FBXW8: variants seen among roughly 807,000 people sequenced by gnomAD.
FBXW8 encodes F-box and WD repeat domain containing 8.
Under a neutral mutation model 65.3 loss-of-function variants are expected in FBXW8, and 57 were observed. The ratio of observed to expected loss-of-function variants is 0.87; its 90% CI spans 0.71 to 1.09. FBXW8 has a LOEUF of 1.09. Among genes scored for constraint, FBXW8 ranks in the 50% least tolerant of loss-of-function variants. The probability of loss-of-function intolerance (pLI) is 0.00; values close to 1 mark genes in which losing one functional copy is unlikely to be tolerated. For synonymous variants in FBXW8, 308 were observed against 330.2 expected, an observed-to-expected ratio of 0.93 and a Z score of 0.73; for missense variants, 777 against 814.8, an observed-to-expected ratio of 0.95 and a Z score of 0.57.
intron 3 of FBXW8, among the ~76,000 whole-genome samples, chr12:116,946,856 C>T (rs1403681562): frequency 6.6e-6 from 1 of 151,964 alleles, no homozygotes; most frequent in Non-Finnish European, 1.5e-5. Context: ...AGGGTCTAAC[C>T]CTGGTGGGAG....
At chr12:117,018,474 C>T (rs968636562) in intron 8 of FBXW8, among the ~76,000 whole-genome samples, 14 of 152,180 alleles carry the variant, frequency 9.2e-5, no homozygotes, top group African/African-American at 3.4e-4. Flanking sequence ...ACGGGCTTTG[C>T]CAAGGCGCAC....
chr12:116,926,418 G>A (rs193024131), intron 1 of FBXW8, among the ~76,000 whole-genome samples: 10 of 152,310 alleles, frequency 6.6e-5, no homozygotes, highest in Non-Finnish European at 1.3e-4. Context: ...GCAAATGAAA[G>A]TTTCTTCGTG....
intron 5 of FBXW8, among the ~76,000 whole-genome samples, chr12:116,971,096 G>C (rs1268149537): frequency 1.3e-5 from 2 of 152,086 alleles, no homozygotes; most frequent in African/African-American, 4.8e-5. Flanking sequence ...AAACATCTAG[G>C]CTGGGTGTGG....
chr12:117,018,954 G>GA (rs150656115), intron 8 of FBXW8, among the ~76,000 whole-genome samples: 4,098 of 152,258 alleles, frequency 0.027, 180 homozygotes, highest in African/African-American at 0.087. Flanking sequence ...AATATGCACT[G>GA]AAAAGTACTT....
rs544396348 is a variant in FBXW8, at chr12:116,939,048, T to G, written c.424-6316T>G. ...GTGCCCAAAACATATCTTAACTGAT[T>G]GACCGGTAACCCAAATCAGTGTTCT... is the stretch of plus-strand genomic sequence containing the variant. On this transcript the variant is annotated intron_variant, in intron 2 of 10. Transcript: ENST00000652555. 2.0e-5 allele frequency among the ~76,000 whole-genome samples: 3 copies of G among 152,346 alleles called. 1 individual carries two copies. The South Asian group carries it at 6.2e-4, about 32-fold the overall frequency.
At chr12:117,015,577 A>C (rs1361176457) in intron 8 of FBXW8, among the ~76,000 whole-genome samples, 1 of 152,094 alleles carries the variant, frequency 6.6e-6, no homozygotes, top group East Asian at 1.9e-4. Context: ...GCTATGGAGA[A>C]CCAAGAGTTG....
rs1028051240 is a variant in FBXW8 at position 117,028,821 on chromosome 12, C to T, written c.*649C>T. The stretch of plus-strand genomic sequence containing the variant: ...ATATGTGATACAAAGCAAATATTTT[C>T]TAAATATTCATTGACTAAACAGCCA... On this transcript the variant is annotated 3_prime_UTR_variant, in exon 11 of 11. Coordinates refer to ENST00000652555, the MANE Select transcript of FBXW8 (RefSeq NM_153348.3). The surrounding 1 kb of genome is among the most constrained non-coding windows in gnomAD (Gnocchi z 4.1). The T allele has an allele frequency of 6.6e-6, 1 of 152,444 alleles. No individual in the cohort carries two copies. Among genetic ancestry groups the T allele is most frequent in the African/African-American group, 2.4e-5 (1 of 41,432 alleles). The allele number at this position is 152,444 out of a possible 1,614,324, so 9.4% of individuals were successfully genotyped here. A position where few individuals can be genotyped will look rare whatever the true frequency, so the allele number is the denominator to read the frequency against.
chr12:116,932,683 G>A (rs1333315490), intron 2 of FBXW8, among the ~76,000 whole-genome samples: 2 of 152,032 alleles, frequency 1.3e-5, no homozygotes, highest in African/African-American at 2.4e-5. Flanking sequence ...CTACAGGTGC[G>A]CCACCATGCC....
Position 117,029,768 on chromosome 12 carries a change from A to G in FBXW8, c.*1596A>G, listed in dbSNP as rs568102376. The G allele has an allele frequency of 6.6e-6, 1 of 151,916 alleles. No individual in the cohort carries two copies. The highest frequency in any genetic ancestry group is 1.5e-5 in the Non-Finnish European group (1 of 67,978). The allele number at this position is 151,916 out of a possible 1,614,324, so 9.4% of individuals were successfully genotyped here. Reference sequence around the variant, plus strand: ...GGGATTACAGGCGTCCGCTACCACAACTGGCTAATTTTTACATTTTTAGTA... The same window carrying G: ...GGGATTACAGGCGTCCGCTACCACAGCTGGCTAATTTTTACATTTTTAGTA... On this transcript the variant is annotated 3_prime_UTR_variant, in exon 11 of 11. Transcript: ENST00000652555.
chr12:116,926,197 A>G (rs946776100), intron 1 of FBXW8, among the ~76,000 whole-genome samples: 2 of 152,230 alleles, frequency 1.3e-5, no homozygotes, highest in Non-Finnish European at 2.9e-5. Flanking sequence ...CTTAAGTGGA[A>G]CCAATTGAAG....
intron 7 of FBXW8, among the ~76,000 whole-genome samples, chr12:117,007,599 G>A (rs960734173): frequency 2.6e-5 from 4 of 152,178 alleles, no homozygotes; most frequent in Non-Finnish European, 4.4e-5. Context: ...TATTTTCTCC[G>A]GGATTTGTGC....
chr12:116,999,846 T>A (rs1360267880), intron 7 of FBXW8, among the ~76,000 whole-genome samples: 2 of 152,222 alleles, frequency 1.3e-5, no homozygotes, highest in Non-Finnish European at 2.9e-5. Flanking sequence ...TAGCATCCCC[T>A]CTTCCTCTCC....
At chr12:117,027,342 A>G (rs1392349613) in intron 9 of FBXW8, 52 bp from the exon 10 acceptor site, 1 of 1,379,256 alleles carries the variant, frequency 7.3e-7, no homozygotes. Flanking sequence ...TGCGGCAGCA[A>G]GTGCAGGCCC....
At chr12:116,990,661 G>T (rs965262281) in intron 7 of FBXW8, among the ~76,000 whole-genome samples, 1 of 152,160 alleles carries the variant, frequency 6.6e-6, no homozygotes, top group African/African-American at 2.4e-5. Context: ...ATTTATTCCT[G>T]TAGTAATACA....
At chr12:116,924,826 C>T (rs1258757583) in intron 1 of FBXW8, among the ~76,000 whole-genome samples, 1 of 152,172 alleles carries the variant, frequency 6.6e-6, no homozygotes, top group Non-Finnish European at 1.5e-5. Flanking sequence ...AACTCTGCCT[C>T]TTGTAAGGTG....
At position 117,030,016 on chromosome 12, in the gene FBXW8, A is replaced by C. The variant is rs1306870356; in HGVS notation, c.*1844A>C. On this transcript the variant is annotated 3_prime_UTR_variant, in exon 11 of 11. Coordinates refer to ENST00000652555, the MANE Select transcript of FBXW8 (RefSeq NM_153348.3). ...AAAAGGTACCTGAGGATGCAGAAGT[A>C]CCTACCACATGGGAACCGTTTGTCC... is the stretch of plus-strand genomic sequence containing the variant. The C allele has an allele frequency of 6.6e-6, 1 of 152,204 alleles. No homozygotes were observed. Among genetic ancestry groups the C allele is most frequent in the Non-Finnish European group, 1.5e-5 (1 of 68,038 alleles). 9.4% of individuals were successfully genotyped at this position (152,204 alleles called of 1,614,324 possible). A position where few individuals can be genotyped will look rare whatever the true frequency, so the allele number is the denominator to read the frequency against.
intron 2 of FBXW8, among the ~76,000 whole-genome samples, chr12:116,929,295 C>T (rs755729644): frequency 2.0e-5 from 3 of 151,974 alleles, no homozygotes; most frequent in African/African-American, 4.8e-5. Flanking sequence ...AGTGCAGTGG[C>T]GCGATCTCGG....
At chr12:116,930,562 A>G (rs1373609223) in intron 2 of FBXW8, among the ~76,000 whole-genome samples, 1 of 152,104 alleles carries the variant, frequency 6.6e-6, no homozygotes, top group Non-Finnish European at 1.5e-5. Flanking sequence ...TATGAGATAT[A>G]TGGTTTGGAA....
At chr12:117,020,164 A>G (rs1157155045) in intron 8 of FBXW8, among the ~76,000 whole-genome samples, 1 of 152,236 alleles carries the variant, frequency 6.6e-6, no homozygotes, top group Non-Finnish European at 1.5e-5. Flanking sequence ...TGCTTTAACT[A>G]GCACTCAGTT....
Sources: gnomAD v4.1 joint callset for allele counts (sites outside exome capture counted in the v4.1 genomes callset) on GRCh38, gnomAD v4.1.1 for gene constraint, Gnocchi (gnomAD v3.1) non-coding constraint, MANE v1.5 for transcripts, NCBI Gene and HGNC (gene_info 2026-07-23, HGNC 2026-07-21) for gene names.